The following DLGAP1 variants were observed in gnomAD, a reference collection of about 807,000 sequenced individuals.
The protein encoded by DLGAP1 is disks large-associated protein 1.
DLGAP1 carries 11 observed loss-of-function variants against 90.8 expected under a neutral mutation model. That is an observed-to-expected ratio of 0.12 (90% confidence interval 0.08 to 0.20). DLGAP1 has a LOEUF of 0.20. Ranked by LOEUF, DLGAP1 falls within the 10% of genes least tolerant of loss-of-function variation. The pLI, the probability that DLGAP1 is intolerant of heterozygous loss-of-function variation, is 1.00. For missense variants in DLGAP1, 1,050 were observed against 1,333.8 expected (o/e 0.79, Z 3.31); for synonymous variants, 558 against 540.7 (o/e 1.03, Z -0.44).
At chr18:4,208,943 A>C (rs943664272) in intron 1 of DLGAP1, among the ~76,000 whole-genome samples, 5 of 152,156 alleles carry the variant, frequency 3.3e-5, no homozygotes, top group African/African-American at 4.8e-5. Context: ...AAGCAGAGAG[A>C]GCTCCCACGT....
intron 4 of DLGAP1, among the ~76,000 whole-genome samples, chr18:3,823,429 C>G (rs2067532246): frequency 6.6e-6 from 1 of 152,154 alleles, no homozygotes; most frequent in African/African-American, 2.4e-5. Flanking sequence ...CTTATGTTAT[C>G]TTAATGCCAT....
intron 2 of DLGAP1, among the ~76,000 whole-genome samples, chr18:4,071,049 C>T (rs1281623331): frequency 6.6e-6 from 1 of 152,026 alleles, no homozygotes; most frequent in African/African-American, 2.4e-5. Context: ...ATTTTTCAAT[C>T]AGAGATAATC....
chr18:3,926,444 A>ATG (rs1220898300), intron 3 of DLGAP1, among the ~76,000 whole-genome samples: 4 of 149,956 alleles, frequency 2.7e-5, no homozygotes, highest in African/African-American at 9.9e-5. Context: ...ACACACACAC[A>ATG]CATGCATGTA....
At chr18:4,120,982 A>T (rs2076145372) in intron 2 of DLGAP1, among the ~76,000 whole-genome samples, 1 of 152,124 alleles carries the variant, frequency 6.6e-6, no homozygotes, top group Non-Finnish European at 1.5e-5. Context: ...TGGTGGTTGG[A>T]GGAGGTGGGC....
chr18:3,503,126 A>AATAAAATATTGGATGTTCCAAGCACTATG (rs2143644682), intron 11 of DLGAP1, among the ~76,000 whole-genome samples: 1 of 152,370 alleles, frequency 6.6e-6, no homozygotes, highest in Admixed American at 6.5e-5. Context: ...AATGATTAGT[A>AATAAAATATTGGATGTTCCAAGCACTATG]ATAAAATATT....
At chr18:4,107,867 T>G (rs951244883) in intron 2 of DLGAP1, among the ~76,000 whole-genome samples, 2 of 152,214 alleles carry the variant, frequency 1.3e-5, no homozygotes, top group African/African-American at 2.4e-5. Context: ...CTTTCTAGAT[T>G]TTTCTTTTAG....
intron 7 of DLGAP1, chr18:3,708,521 T>C: frequency 2.2e-6 from 1 of 456,650 alleles, no homozygotes; most frequent in Non-Finnish European, 4.4e-6. Context: ...ACAATACAAG[T>C]GTCTCATTTC....
In DLGAP1 at chr18:4,230,325, T is replaced by G. The variant is rs75010911; in HGVS notation, c.-266-79038A>C. Among the ~76,000 whole-genome samples, 1,167 of 152,206 alleles carry G rather than the reference T, an allele frequency of 7.7e-3. 11 individuals are homozygous for G. Among genetic ancestry groups the G allele is most frequent in the African/African-American group, 0.026 (1,068 of 41,562 alleles). On this transcript the variant is annotated intron_variant, in intron 1 of 12. Transcript: ENST00000315677. ...GAATTCGTATTATCGAAGAGATATC[T>G]GCACTCTGCACTCCCGTGTTTACTG...
chr18:4,213,074 GT>G (rs2144903151), intron 1 of DLGAP1, among the ~76,000 whole-genome samples: 1 of 152,242 alleles, frequency 6.6e-6, no homozygotes, highest in South Asian at 2.1e-4. Flanking sequence ...GAGCAAACAG[GT>G]TTTGGGGATT....
At chr18:3,955,707 T>A (rs2073071260) in intron 3 of DLGAP1, among the ~76,000 whole-genome samples, 1 of 143,250 alleles carries the variant, frequency 7.0e-6, no homozygotes, top group African/African-American at 2.6e-5. Context: ...AGAGTGAAAC[T>A]CCGTCTCAAA....
Position 4,378,027 on chromosome 18 carries a change from T to C in DLGAP1, c.-267+76979A>G, listed in dbSNP as rs976264468. The stretch of plus-strand genomic sequence containing the variant: ...ATTACAGAATGATATGAAATCTATC[T>C]ATTTTTGTCTATGTGTTTTTATATA... On this transcript the variant is annotated intron_variant, in intron 1 of 12. Coordinates refer to ENST00000315677, the MANE Select transcript of DLGAP1 (RefSeq NM_004746.4). The surrounding 1 kb of genome is among the most constrained non-coding windows in gnomAD (Gnocchi z 4.5). Among the ~76,000 whole-genome samples, 2 of 150,820 alleles carry C rather than the reference T, an allele frequency of 1.3e-5. No homozygotes were observed. Among genetic ancestry groups the C allele is most frequent in the African/African-American group, 4.8e-5 (2 of 41,240 alleles).
At chr18:3,682,450 C>T (rs929109752) in intron 7 of DLGAP1, among the ~76,000 whole-genome samples, 2 of 152,182 alleles carry the variant, frequency 1.3e-5, no homozygotes, top group Non-Finnish European at 2.9e-5. Flanking sequence ...TTTGGAAAAG[C>T]TCTAGATATA....
intron 7 of DLGAP1, among the ~76,000 whole-genome samples, chr18:3,720,655 C>A (rs576682717): frequency 1.3e-5 from 2 of 152,096 alleles, no homozygotes; most frequent in Admixed American, 1.3e-4. Context: ...TGGACAATTT[C>A]CAACCGCTAT....
At chr18:4,377,902 G>T (rs993996970) in intron 1 of DLGAP1, among the ~76,000 whole-genome samples, 7 of 151,708 alleles carry the variant, frequency 4.6e-5, no homozygotes, top group Non-Finnish European at 8.8e-5. Context: ...AATCATATAT[G>T]CACAAAACTA....
chr18:4,099,895 G>C (rs1200616097), intron 2 of DLGAP1, among the ~76,000 whole-genome samples: 3 of 151,792 alleles, frequency 2.0e-5, no homozygotes, highest in African/African-American at 7.3e-5. Context: ...TTTGTGTTTA[G>C]AGATGAAATC....
chr18:3,617,105 C>T lies in DLGAP1; in HGVS notation c.1592-34857G>A, dbSNP rs183471737. The stretch of plus-strand genomic sequence containing the variant: ...GAGAGATGCTGAGCCAGAACTACCC[C>T]GCCAAAGCTCTCCCCAAATTCCTGA... On this transcript the variant is annotated intron_variant, in intron 7 of 12. Coordinates refer to ENST00000315677, the MANE Select transcript of DLGAP1 (RefSeq NM_004746.4). 3.9e-5 allele frequency among the ~76,000 whole-genome samples: 6 copies of T among 152,218 alleles called. No homozygotes were observed. In the East Asian group the frequency reaches 7.7e-4, roughly 20 times the overall value.
chr18:4,381,275 T>C (rs749820003), intron 1 of DLGAP1, among the ~76,000 whole-genome samples: 1 of 152,078 alleles, frequency 6.6e-6, no homozygotes, highest in African/African-American at 2.4e-5. Flanking sequence ...CATAGACAAA[T>C]AGATAGACAT....
chr18:3,952,290 C>T (rs1013910124), intron 3 of DLGAP1, among the ~76,000 whole-genome samples: 6 of 152,124 alleles, frequency 3.9e-5, no homozygotes, highest in South Asian at 2.1e-4. Flanking sequence ...CAAGGAAGTT[C>T]GCTTTAATCT....
intron 1 of DLGAP1, among the ~76,000 whole-genome samples, chr18:4,253,179 C>T (rs2078819091): frequency 6.6e-6 from 1 of 152,176 alleles, no homozygotes; most frequent in African/African-American, 2.4e-5. Flanking sequence ...CTAAGAAACA[C>T]ACTAATGCAT....
Sources: gnomAD v4.1 joint callset for allele counts (sites outside exome capture counted in the v4.1 genomes callset) on GRCh38, gnomAD v4.1.1 for gene constraint, Gnocchi (gnomAD v3.1) non-coding constraint, MANE v1.5 for transcripts, NCBI Gene and HGNC (gene_info 2026-07-23, HGNC 2026-07-21) for gene names.